ALCAM: variants seen among roughly 807,000 people sequenced by gnomAD.
The protein encoded by ALCAM is CD166 antigen.
ALCAM carries 30 observed loss-of-function variants against 70.9 expected under a neutral mutation model. The ratio of observed to expected loss-of-function variants is 0.42; its 90% CI spans 0.32 to 0.57. ALCAM has a LOEUF of 0.57. ALCAM is among the 20% of genes least tolerant of loss of function. ALCAM has a pLI of 0.11. For synonymous variants in ALCAM, 249 were observed against 242.5 expected (o/e 1.03, Z -0.25); for missense variants, 591 against 695.1 (o/e 0.85, Z 1.68).
At chr3:105,406,837 A>G (rs1194083848) in intron 1 of ALCAM, among the ~76,000 whole-genome samples, 1 of 152,192 alleles carries the variant, frequency 6.6e-6, no homozygotes, top group Admixed American at 6.6e-5. Flanking sequence ...GAGACAGAAA[A>G]TCCAAATAAG....
intron 1 of ALCAM, among the ~76,000 whole-genome samples, chr3:105,509,608 A>G (rs1345085867): frequency 6.6e-6 from 1 of 151,892 alleles, no homozygotes; most frequent in East Asian, 1.9e-4. Context: ...AATTCCTTAC[A>G]TATTTTGGAT....
intron 1 of ALCAM, among the ~76,000 whole-genome samples, chr3:105,378,000 C>T (rs931484581): frequency 6.6e-5 from 10 of 152,008 alleles, no homozygotes; most frequent in Admixed American, 1.3e-4. Flanking sequence ...AATCATATTT[C>T]GAACAATTAT....
intron 1 of ALCAM, among the ~76,000 whole-genome samples, chr3:105,417,217 T>C (rs1936528130): frequency 6.6e-6 from 1 of 151,892 alleles, no homozygotes; most frequent in Non-Finnish European, 1.5e-5. Context: ...TCTTCAAGTC[T>C]AGTGACTTTT....
At chr3:105,501,642 G>C (rs1031659661) in intron 1 of ALCAM, among the ~76,000 whole-genome samples, 1 of 151,994 alleles carries the variant, frequency 6.6e-6, no homozygotes, top group Non-Finnish European at 1.5e-5. Flanking sequence ...CTTTAATTTT[G>C]AAATGTAGTT....
chr3:105,435,039 A>G (rs1433507785), intron 1 of ALCAM, among the ~76,000 whole-genome samples: 1 of 152,328 alleles, frequency 6.6e-6, no homozygotes, highest in Admixed American at 6.5e-5. Context: ...CTACTAATCA[A>G]TGATATGGCA....
intron 1 of ALCAM, among the ~76,000 whole-genome samples, chr3:105,434,232 CTTTA>C (rs1445369676): frequency 2.0e-5 from 3 of 152,086 alleles, no homozygotes; most frequent in Admixed American, 6.5e-5. Flanking sequence ...TCAAAGCACT[CTTTA>C]TTTGTCACAT....
intron 1 of ALCAM, among the ~76,000 whole-genome samples, chr3:105,486,593 A>C (rs902270326): frequency 1.3e-5 from 2 of 152,158 alleles, no homozygotes; most frequent in African/African-American, 4.8e-5. Context: ...ATATCATTTG[A>C]CATTTTCAAC....
At chr3:105,368,465 T>G (rs1234881059) in intron 1 of ALCAM, among the ~76,000 whole-genome samples, 1 of 152,090 alleles carries the variant, frequency 6.6e-6, no homozygotes, top group Admixed American at 6.5e-5. Flanking sequence ...AGGGGATTTT[T>G]TTTTCTTTGA....
At chr3:105,566,574 C>T (rs1277660548) in intron 14 of ALCAM, among the ~76,000 whole-genome samples, 2 of 151,896 alleles carry the variant, frequency 1.3e-5, no homozygotes, top group Admixed American at 1.3e-4. Context: ...ATTTTAATAC[C>T]TCTACTGGCC....
At chr3:105,481,559 T>C (rs987085873) in intron 1 of ALCAM, among the ~76,000 whole-genome samples, 1 of 152,222 alleles carries the variant, frequency 6.6e-6, no homozygotes, top group African/African-American at 2.4e-5. Flanking sequence ...AAAGATGGTA[T>C]GTCATTTTAA....
rs1431442243 is a variant in ALCAM, at chr3:105,474,807, T to G, written c.74-45260T>G. ...ACTTATTATAATTTATTTATAAGAATTACTGTCTTTAAACTACTATTGGCT... is the reference window on the plus strand; with the variant it reads ...ACTTATTATAATTTATTTATAAGAAGTACTGTCTTTAAACTACTATTGGCT... On this transcript the variant is annotated intron_variant, in intron 1 of 15. Coordinates refer to ENST00000306107, the MANE Select transcript of ALCAM (RefSeq NM_001627.4). Among the ~76,000 whole-genome samples, 3 of 151,814 alleles carry G rather than the reference T, an allele frequency of 2.0e-5. No individual in the cohort carries two copies. The East Asian group carries it at 5.8e-4, about 29-fold the overall frequency.
intron 12 of ALCAM, 123 bp from the exon 13 acceptor site, chr3:105,552,021 C>A (rs1194663351): frequency 5.9e-5 from 30 of 505,638 alleles, no homozygotes; most frequent in Non-Finnish European, 8.3e-5. Context: ...TTTTTTTTTA[C>A]TGTTAGCTAT....
chr3:105,385,502 T>G (rs752966191), intron 1 of ALCAM, among the ~76,000 whole-genome samples: 1 of 151,594 alleles, frequency 6.6e-6, no homozygotes, highest in Non-Finnish European at 1.5e-5. Flanking sequence ...TGATGTAAAA[T>G]AAATTTTCTT....
At position 105,545,255 on chromosome 3, in the gene ALCAM, G is replaced by C. The variant is rs766963393; in HGVS notation, c.1024G>C (p.Val342Leu). 8.1e-6 allele frequency: 13 copies of C among 1,609,070 alleles called. No individual in the cohort carries two copies. The East Asian group carries it at 2.7e-4, about 33-fold the overall frequency. ...TTTGTCCTTAAACCCAAGTGGAGAA[G>C]TGACTAGACAGATTGGTGATGCCCT... ...LDLSLNPSGEVTRQIGDALPV... is the reference protein window; with the variant it reads ...LDLSLNPSGELTRQIGDALPV... The change falls in exon 9 of 16, where the codon GTG becomes CTG. Residue 342 changes from valine (V) to leucine (L), a missense_variant. Coordinates refer to ENST00000306107, the MANE Select transcript of ALCAM (RefSeq NM_001627.4).
At chr3:105,541,368 G>A (rs1940111934) in intron 7 of ALCAM, among the ~76,000 whole-genome samples, 1 of 151,792 alleles carries the variant, frequency 6.6e-6, no homozygotes, top group Admixed American at 6.6e-5. Flanking sequence ...AAATGCCCTT[G>A]AAACTTGAGC....
intron 1 of ALCAM, chr3:105,439,225 G>A (rs1234432127): frequency 6.6e-6 from 1 of 152,156 alleles, no homozygotes; most frequent in African/African-American, 2.4e-5. Context: ...TTGAGAGTGG[G>A]AAGTGTAACC....
intron 1 of ALCAM, among the ~76,000 whole-genome samples, chr3:105,394,892 A>G (rs1308376832): frequency 6.6e-6 from 1 of 151,994 alleles, no homozygotes; most frequent in Non-Finnish European, 1.5e-5. Context: ...TGAGCCTATT[A>G]TAGCAGACCT....
At chr3:105,503,275 T>G (rs1938973736) in intron 1 of ALCAM, among the ~76,000 whole-genome samples, 1 of 152,242 alleles carries the variant, frequency 6.6e-6, no homozygotes, top group Admixed American at 6.5e-5. Flanking sequence ...AAAGACAGCT[T>G]TCCTATTTGC....
At position 105,521,142 on chromosome 3, in the gene ALCAM, A is replaced by G. The variant is rs533262064; in HGVS notation, c.174+975A>G. Among the ~76,000 whole-genome samples the G allele has an allele frequency of 6.6e-4, 100 of 151,108 alleles. 1 individual carries two copies. Among genetic ancestry groups the G allele is most frequent in the Admixed American group, 5.9e-3 (89 of 15,180 alleles). The stretch of plus-strand genomic sequence containing the variant: ...AGGTGAAACCCCGTCTCTACTAAAA[A>G]TACAAAAAATTAGCCGGGCGCGGTG... On this transcript the variant is annotated intron_variant, in intron 2 of 15. Coordinates refer to ENST00000306107, the MANE Select transcript of ALCAM (RefSeq NM_001627.4).
Sources: allele counts gnomAD v4.1 joint callset (sites outside exome capture counted in the v4.1 genomes callset), GRCh38; gene constraint gnomAD v4.1.1; transcripts MANE v1.5; gene names NCBI Gene and HGNC (gene_info 2026-07-23, HGNC 2026-07-21).